The following ULK4 variants were observed in gnomAD, a reference collection of about 807,000 sequenced individuals.
ULK4 encodes the protein unc-51 like kinase 4, also known as inactive serine/threonine-protein kinase ULK4.
A neutral mutation model predicts 160.6 loss-of-function variants in ULK4; 133 were observed. The observed-to-expected ratio is 0.83, with a 90% confidence interval of 0.72 to 0.96. The LOEUF is 0.96. ULK4 is among the 40% of genes least tolerant of loss of function. The pLI is 0.00. For missense variants in ULK4, 1,580 were observed against 1,499.5 expected, an observed-to-expected ratio of 1.05 and a Z score of -0.89; for synonymous variants, 534 against 539.8, an observed-to-expected ratio of 0.99 and a Z score of 0.15.
At chr3:41,846,662 A>G (rs2042076222) in intron 17 of ULK4, among the ~76,000 whole-genome samples, 1 of 152,078 alleles carries the variant, frequency 6.6e-6, no homozygotes, top group African/African-American at 2.4e-5. Context: ...GAAATTCCCC[A>G]GGCATGGTGA....
At chr3:41,365,890 T>A (rs1343485191) in intron 35 of ULK4, among the ~76,000 whole-genome samples, 1 of 152,204 alleles carries the variant, frequency 6.6e-6, no homozygotes, top group African/African-American at 2.4e-5. Flanking sequence ...ATTTTCTTGA[T>A]TAAAGACATA....
At chr3:41,280,425 C>CA (rs149435548) in intron 35 of ULK4, among the ~76,000 whole-genome samples, 38,049 of 152,004 alleles carry the variant, frequency 0.25, 7,072 homozygotes, top group African/African-American at 0.52. Context: ...CACTCCTGAG[C>CA]AATGTAAAAG....
chr3:41,600,422 G>A (rs2031982345), intron 31 of ULK4, among the ~76,000 whole-genome samples: 1 of 152,198 alleles, frequency 6.6e-6, no homozygotes, highest in African/African-American at 2.4e-5. Context: ...AAAGAAATCT[G>A]ACCAGGTCAG....
At chr3:41,562,033 T>C (rs776905158) in intron 32 of ULK4, among the ~76,000 whole-genome samples, 43 of 152,362 alleles carry the variant, frequency 2.8e-4, no homozygotes, top group Admixed American at 6.5e-4. Flanking sequence ...CTGCTTTTAA[T>C]GTGTCCCAGA....
Position 41,506,767 on chromosome 3 carries a change from A to AAAAAAAAAAAAAAAAAAAAAAT in ULK4, c.3227-43515_3227-43514insATTTTTTTTTTTTTTTTTTTTT. Among the ~76,000 whole-genome samples the AAAAAAAAAAAAAAAAAAAAAAT allele has an allele frequency of 2.1e-3, 118 of 56,782 alleles. 11 individuals are homozygous for AAAAAAAAAAAAAAAAAAAAAAT. The highest frequency in any genetic ancestry group is 3.9e-3 in the Admixed American group (18 of 4,640). The allele number at this position is 56,782 out of a possible 152,430, so 37.3% of individuals were successfully genotyped here. ...AGCAATACACTGGAGTGTGATTTAA[A>AAAAAAAAAAAAAAAAAAAAAAT]ATATATATATATATATATATATATA... On this transcript the variant is annotated intron_variant, in intron 32 of 36. Transcript: ENST00000301831.
At position 41,715,287 on chromosome 3, in the gene ULK4, G is replaced by T; in HGVS notation, c.2584C>A (p.Arg862=). The change falls in exon 25 of 37, where the codon CGA becomes AGA. Residue 862 remains arginine, a synonymous_variant. Transcript: ENST00000301831. ...AACTCTTCTGTCACAACTTGAGGTC[G>T]AAATACCTGTGTGATGAGAGTTTCT... ...VLHLVTSQVF[R]PQVVTEEFLF... is the part of the protein sequence containing the mutation. The T allele has an allele frequency of 6.2e-7, 1 of 1,613,764 alleles. No homozygotes were observed. The highest frequency in any genetic ancestry group is 8.5e-7 in the Non-Finnish European group (1 of 1,179,978).
chr3:41,673,823 C>T (rs1382361428), intron 29 of ULK4, among the ~76,000 whole-genome samples: 1 of 152,164 alleles, frequency 6.6e-6, no homozygotes, highest in Non-Finnish European at 1.5e-5. Flanking sequence ...TACCAACACA[C>T]ACTCTCCCCT....
chr3:41,586,271 G>C (rs1471441099), intron 31 of ULK4, among the ~76,000 whole-genome samples: 1 of 152,142 alleles, frequency 6.6e-6, no homozygotes, highest in Non-Finnish European at 1.5e-5. Flanking sequence ...TGAATGGCTA[G>C]GGAAAATATG....
intron 2 of ULK4, among the ~76,000 whole-genome samples, chr3:41,941,808 A>C (rs1161763636): frequency 3.3e-5 from 5 of 150,354 alleles, no homozygotes; most frequent in African/African-American, 1.2e-4. Context: ...CTAATAAGCC[A>C]CCAAAGAATA....
chr3:41,490,249 T>C (rs915949079), intron 32 of ULK4, among the ~76,000 whole-genome samples: 6 of 152,160 alleles, frequency 3.9e-5, no homozygotes, highest in Non-Finnish European at 8.8e-5. Context: ...GACATAATGT[T>C]CCTCCACTGA....
intron 1 of ULK4, among the ~76,000 whole-genome samples, chr3:41,957,659 G>A (rs1055069254): frequency 6.6e-6 from 1 of 151,580 alleles, no homozygotes; most frequent in Non-Finnish European, 1.5e-5. Context: ...GCTGCAGTGA[G>A]CTACAACTGC....
chr3:41,846,806 C>CAAAAAAA (rs35308076), intron 17 of ULK4, among the ~76,000 whole-genome samples: 1 of 99,026 alleles, frequency 1.0e-5, no homozygotes, highest in Admixed American at 1.2e-4. Context: ...CTCTCTCTCT[C>CAAAAAAA]AAAAAAAAAA....
At chr3:41,376,763 A>T (rs964579756) in intron 35 of ULK4, among the ~76,000 whole-genome samples, 4 of 150,240 alleles carry the variant, frequency 2.7e-5, no homozygotes, top group African/African-American at 9.9e-5. Context: ...TGTTCATGGG[A>T]AGGAAGAATC....
At chr3:41,268,010 C>A (rs1485515210) in intron 35 of ULK4, among the ~76,000 whole-genome samples, 2 of 152,180 alleles carry the variant, frequency 1.3e-5, no homozygotes, top group Non-Finnish European at 2.9e-5. Flanking sequence ...TATTCCTCAA[C>A]TGGGGGTGAT....
intron 32 of ULK4, among the ~76,000 whole-genome samples, chr3:41,563,131 C>T (rs557391549): frequency 6.6e-6 from 1 of 152,196 alleles, no homozygotes; most frequent in Non-Finnish European, 1.5e-5. Flanking sequence ...TTAGTTTGGC[C>T]AGATAGGAAA....
At chr3:41,676,903 C>T (rs1300933098) in intron 29 of ULK4, among the ~76,000 whole-genome samples, 1 of 137,364 alleles carries the variant, frequency 7.3e-6, no homozygotes, top group Non-Finnish European at 1.5e-5. Context: ...GCCCCCACCC[C>T]CAACCTTTTT....
intron 22 of ULK4, among the ~76,000 whole-genome samples, chr3:41,743,025 AAG>A (rs910716636): frequency 6.6e-6 from 1 of 151,920 alleles, no homozygotes; most frequent in Non-Finnish European, 1.5e-5. Context: ...CAAAGAGGGG[AAG>A]AGAGAGAAAA....
At chr3:41,418,084 C>G (rs1370811513) in intron 34 of ULK4, among the ~76,000 whole-genome samples, 2 of 152,138 alleles carry the variant, frequency 1.3e-5, no homozygotes, top group African/African-American at 4.8e-5. Context: ...CAATAATCTA[C>G]CTTAGTCCAA....
At chr3:41,857,726 T>C (rs2042394253) in intron 17 of ULK4, among the ~76,000 whole-genome samples, 1 of 152,206 alleles carries the variant, frequency 6.6e-6, no homozygotes, top group Non-Finnish European at 1.5e-5. Flanking sequence ...TGTCCACTTC[T>C]TTTAGATTTT....
Sources: gnomAD v4.1 joint callset for allele counts (sites outside exome capture counted in the v4.1 genomes callset) on GRCh38, gnomAD v4.1.1 for gene constraint, MANE v1.5 for transcripts, NCBI Gene and HGNC (gene_info 2026-07-23, HGNC 2026-07-21) for gene names.